Variants in ADK observed in about 807,000 individuals in gnomAD.
The protein encoded by ADK is N6,N6-dimethyladenosine kinase.
In ADK, 24 loss-of-function variants were observed where a neutral mutation model predicts 44.7. The observed-to-expected ratio is 0.54, with a 90% CI of 0.39 to 0.76. ADK has a LOEUF of 0.76. Among genes scored for constraint, ADK ranks in the 30% least tolerant of loss-of-function variants. ADK has a pLI of 0.00. For synonymous variants in ADK, 128 were observed against 142.6 expected, an observed-to-expected ratio of 0.90 and a Z score of 0.73; for missense variants, 321 against 425.1, an observed-to-expected ratio of 0.76 and a Z score of 2.15.
chr10:74,688,381 G>A (rs956417204), intron 10 of ADK, among the ~76,000 whole-genome samples: 2 of 152,120 alleles, frequency 1.3e-5, no homozygotes, highest in Non-Finnish European at 2.9e-5. Context: ...TTATTTACCA[G>A]CGTATCCCCG....
chr10:74,553,482 A>G (rs1214028219), intron 7 of ADK, among the ~76,000 whole-genome samples: 1 of 152,050 alleles, frequency 6.6e-6, no homozygotes, highest in Non-Finnish European at 1.5e-5. Flanking sequence ...TACAGGCATG[A>G]GCCACCGCGC....
At position 74,468,949 on chromosome 10, in the gene ADK, G is replaced by A. The variant is rs73290272; in HGVS notation, c.556-56307G>A. Among the ~76,000 whole-genome samples the A allele has an allele frequency of 1.8e-3, 268 of 152,026 alleles. 2 individuals are homozygous for A. Among genetic ancestry groups the A allele is most frequent in the African/African-American group, 6.3e-3 (262 of 41,392 alleles). On this transcript the variant is annotated intron_variant, in intron 6 of 10. Coordinates refer to ENST00000539909, the MANE Select transcript of ADK (RefSeq NM_006721.4). ...GTTCAAATTATAATCTAGACAAGGG[G>A]TGTGTGTGTATGTGCATGTGTGGGT...
intron 6 of ADK, among the ~76,000 whole-genome samples, chr10:74,431,062 G>A (rs568831660): frequency 2.6e-4 from 24 of 93,210 alleles, no homozygotes; most frequent in African/African-American, 8.2e-4. Flanking sequence ...GCGAGACTCC[G>A]TCTCAAAAAA....
At chr10:74,176,364 G>A (rs1028728605) in intron 1 of ADK, 4 of 743,958 alleles carry the variant, frequency 5.4e-6, no homozygotes, top group Non-Finnish European at 6.6e-6. Flanking sequence ...GGATTTTGCA[G>A]GCTGTTAAAT....
intron 4 of ADK, among the ~76,000 whole-genome samples, chr10:74,322,458 G>T (rs567286867): frequency 1.3e-5 from 2 of 152,166 alleles, no homozygotes; most frequent in African/African-American, 4.8e-5. Context: ...AAGGTTGACT[G>T]TTCAAATTGT....
intron 10 of ADK, among the ~76,000 whole-genome samples, chr10:74,693,168 G>A (rs1304688001): frequency 6.6e-6 from 1 of 152,142 alleles, no homozygotes; most frequent in Non-Finnish European, 1.5e-5. Context: ...ATGATAATAT[G>A]TCAATAATGG....
chr10:74,677,755 C>A (rs910097260), intron 10 of ADK, among the ~76,000 whole-genome samples: 1 of 152,004 alleles, frequency 6.6e-6, no homozygotes, highest in Non-Finnish European at 1.5e-5. Context: ...TCTAATGGGA[C>A]ATCTTCTCTG....
intron 9 of ADK, among the ~76,000 whole-genome samples, chr10:74,633,761 T>G (rs1408822001): frequency 6.6e-6 from 1 of 152,168 alleles, no homozygotes; most frequent in Non-Finnish European, 1.5e-5. Flanking sequence ...GAGTCTATAC[T>G]TGGAGGAGGA....
intron 1 of ADK, among the ~76,000 whole-genome samples, chr10:74,167,147 A>G (rs1306468081): frequency 6.6e-6 from 1 of 152,202 alleles, no homozygotes; most frequent in Non-Finnish European, 1.5e-5. Flanking sequence ...AATGTAAAAA[A>G]TGTATTTTTA....
At chr10:74,265,867 T>G (rs1846194716) in intron 3 of ADK, among the ~76,000 whole-genome samples, 1 of 152,218 alleles carries the variant, frequency 6.6e-6, no homozygotes, top group Non-Finnish European at 1.5e-5. Context: ...TTCAATTATC[T>G]GAGATTTAGG....
intron 3 of ADK, among the ~76,000 whole-genome samples, chr10:74,269,608 T>A (rs1332225067): frequency 6.6e-6 from 1 of 152,220 alleles, no homozygotes; most frequent in Non-Finnish European, 1.5e-5. Flanking sequence ...TATTTATTTT[T>A]AAGAATATTG....
chr10:74,261,433 T>C (rs1038719344), intron 3 of ADK, among the ~76,000 whole-genome samples: 1 of 152,242 alleles, frequency 6.6e-6, no homozygotes, highest in Non-Finnish European at 1.5e-5. Context: ...GCTCTGATCC[T>C]GGGACTTCCC....
At chr10:74,484,478 A>G (rs1342890359) in intron 6 of ADK, among the ~76,000 whole-genome samples, 1 of 152,208 alleles carries the variant, frequency 6.6e-6, no homozygotes, top group Non-Finnish European at 1.5e-5. Flanking sequence ...TCAGCTTTCC[A>G]ATATACTCTG....
chr10:74,195,096 A>G (rs940290423), intron 1 of ADK, among the ~76,000 whole-genome samples: 1 of 151,414 alleles, frequency 6.6e-6, no homozygotes, highest in Non-Finnish European at 1.5e-5. Context: ...CCCCCAAAAA[A>G]AAAAGATTGT....
chr10:74,423,363 G>C (rs1045227834), intron 6 of ADK: 3 of 161,188 alleles, frequency 1.9e-5, no homozygotes, highest in African/African-American at 7.2e-5. Flanking sequence ...AGTGTGATTA[G>C]TTAGAATGGA....
chr10:74,563,004 T>A (rs1850516726), intron 7 of ADK, among the ~76,000 whole-genome samples: 1 of 152,244 alleles, frequency 6.6e-6, no homozygotes, highest in South Asian at 2.1e-4. Context: ...CAAAATCTAC[T>A]AAATACTCCC....
chr10:74,332,138 A>G (rs1841240549), intron 4 of ADK, among the ~76,000 whole-genome samples: 1 of 152,198 alleles, frequency 6.6e-6, no homozygotes, highest in South Asian at 2.1e-4. Context: ...GATTATGGCC[A>G]TGGGCCACTG....
chr10:74,546,087 T>C (rs1849810010), intron 7 of ADK, among the ~76,000 whole-genome samples: 1 of 152,220 alleles, frequency 6.6e-6, no homozygotes, highest in African/African-American at 2.4e-5. Flanking sequence ...ACTTCACATC[T>C]GTTATGCTGA....
chr10:74,708,538 C>G lies in ADK; in HGVS notation c.*93C>G, dbSNP rs1264798491. On this transcript the variant is annotated 3_prime_UTR_variant, in exon 11 of 11. Transcript: ENST00000539909. ...ATTAATAAAGAAGAAAATTATCTGC[C>G]ATTTTTTCCTACTATAATAATGCTG... 6 of 1,409,748 alleles carry G rather than the reference C, an allele frequency of 4.3e-6. No homozygotes were observed. The highest frequency in any genetic ancestry group is 5.8e-6 in the Non-Finnish European group (6 of 1,032,468). The allele number at this position is 1,409,748 out of a possible 1,614,324, so 87.3% of individuals were successfully genotyped here.
Sources: allele counts gnomAD v4.1 joint callset (sites outside exome capture counted in the v4.1 genomes callset), GRCh38; gene constraint gnomAD v4.1.1; transcripts MANE v1.5; gene names NCBI Gene and HGNC (gene_info 2026-07-23, HGNC 2026-07-21).